SPTB: variants seen among roughly 807,000 people sequenced by gnomAD.
SPTB encodes spectrin beta, erythrocytic.
A neutral mutation model predicts 256.2 loss-of-function variants in SPTB; 45 were observed. That is an observed-to-expected ratio of 0.18 (90% CI 0.14 to 0.23). The LOEUF (loss-of-function observed/expected upper bound fraction) is 0.23, where lower values mean the gene tolerates loss of function less well. Among genes scored for constraint, SPTB ranks in the 10% least tolerant of loss-of-function variants. SPTB has a pLI of 1.00. For synonymous variants in SPTB, 1,231 were observed against 1,243.1 expected, an observed-to-expected ratio of 0.99 and a Z score of 0.21; for missense variants, 2,715 against 3,040.4, an observed-to-expected ratio of 0.89 and a Z score of 2.52.
chr14:64,804,492 T>C (rs1406139895), intron 3 of SPTB, among the ~76,000 whole-genome samples: 1 of 152,208 alleles, frequency 6.6e-6, no homozygotes, highest in Non-Finnish European at 1.5e-5. Flanking sequence ...ATCTACTTCT[T>C]CTTTGGGGTC....
At position 64,750,107 on chromosome 14, in the gene SPTB, A is replaced by G; in HGVS notation, c.6650T>C (p.Phe2217Ser). ...YCVLRNSELT[F>S]YKDAKNLALG... ...GGCCAGGTTCTTGGCATCCTTGTAG[A>G]AGGTTAGCTCACTGTTCCTGAGCAC... Residue 2217 changes from phenylalanine (F) to serine (S), a missense_variant, in exon 34 of 36, where the codon TTC becomes TCC. This residue lies in a region of SPTB where 2,239 missense variants were observed against 2,384.4 expected (regional missense o/e 0.94). Transcript: ENST00000644917. The G allele has an allele frequency of 6.2e-7, 1 of 1,614,182 alleles. No individual in the cohort carries two copies. The highest frequency in any genetic ancestry group is 1.1e-5 in the South Asian group (1 of 91,086).
In SPTB at chr14:64,746,892, GA is replaced by G. The variant is rs374341385; in HGVS notation, c.*2413del. ...AAGACTGTAGAGTAGAATAAGGAGA[GA>G]AAAAAAAAAAAAGACCTTGCTAGGG... On this transcript the variant is annotated 3_prime_UTR_variant, in exon 36 of 36. Transcript: ENST00000644917. This position sits in a 1 kb window ranked among gnomAD's most constrained non-coding sequence, Gnocchi z 4.9. 2.3e-3 allele frequency: 332 copies of G among 141,634 alleles called. No individual in the cohort carries two copies. The highest frequency in any genetic ancestry group is 3.6e-3 in the Middle Eastern group (1 of 276). 8.8% of individuals were successfully genotyped at this position (141,634 alleles called of 1,614,324 possible).
intron 12 of SPTB, 27 bp from the exon 13 acceptor site, chr14:64,794,644 A>G: frequency 6.2e-7 from 1 of 1,611,424 alleles, no homozygotes; most frequent in East Asian, 2.2e-5. Context: ...CAGAAAGGAA[A>G]TGAGGAGAAG....
At chr14:64,766,925 C>T (rs1327858399) in intron 31 of SPTB, 124 bp from the exon 32 acceptor site, 14 of 1,263,454 alleles carry the variant, frequency 1.1e-5, no homozygotes, top group Admixed American at 3.4e-5. Context: ...TCCAGTCAGC[C>T]GGCAGCCTGG....
chr14:64,812,643 C>T (rs1359914292), intron 2 of SPTB, among the ~76,000 whole-genome samples: 1 of 152,078 alleles, frequency 6.6e-6, no homozygotes, highest in Non-Finnish European at 1.5e-5. Flanking sequence ...TCTCGGTGAG[C>T]AGCACACCAG....
chr14:64,807,748 G>A lies in SPTB; in HGVS notation c.149-2658C>T, dbSNP rs2083011885. The stretch of plus-strand genomic sequence containing the variant: ...CATCCCAAGCCTTCCAAGGGCAGGA[G>A]AGGCGGTGGCCTGGAGCCAGCTAGG... On this transcript the variant is annotated intron_variant, in intron 2 of 35. Coordinates refer to ENST00000644917, the MANE Select transcript of SPTB (RefSeq NM_001355436.2). This position sits in a 1 kb window ranked among gnomAD's most constrained non-coding sequence, Gnocchi z 4.7. Among the ~76,000 whole-genome samples the A allele has an allele frequency of 6.6e-6, 1 of 152,246 alleles. No homozygotes were observed. Among genetic ancestry groups the A allele is most frequent in the Admixed American group, 6.5e-5 (1 of 15,290 alleles).
chr14:64,769,505 C>G lies in SPTB; in HGVS notation c.5937+85G>C, dbSNP rs2082245570. The stretch of plus-strand genomic sequence containing the variant: ...CAAGCTCCTCAGAAAAGCTGCAGCT[C>G]TCATCTCCCTCCCAGGAGGCTGCCT... On this transcript the variant is annotated intron_variant, in intron 28 of 35. Transcript: ENST00000644917. 9 of 1,561,868 alleles carry G rather than the reference C, an allele frequency of 5.8e-6. No homozygotes were observed. The African/African-American group carries it at 8.1e-5, about 14-fold the overall frequency.
At chr14:64,752,669 G>A (rs1387151377) in intron 33 of SPTB, among the ~76,000 whole-genome samples, 2 of 152,166 alleles carry the variant, frequency 1.3e-5, no homozygotes, top group Non-Finnish European at 2.9e-5. Context: ...TCCCCTTTCT[G>A]GGTAGACTCT....
chr14:64,767,919 C>G, intron 29 of SPTB, 60 bp from the exon 30 acceptor site: 1 of 1,585,436 alleles, frequency 6.3e-7, no homozygotes, highest in Non-Finnish European at 8.6e-7. Context: ...AGCACCCAAT[C>G]GTTCACTCCT....
chr14:64,826,266 G>A lies in SPTB; in HGVS notation c.-51-3121C>T, dbSNP rs983588804. 1.3e-5 allele frequency among the ~76,000 whole-genome samples: 2 copies of A among 152,226 alleles called. No individual in the cohort carries two copies. Among genetic ancestry groups the A allele is most frequent in the African/African-American group, 4.8e-5 (2 of 41,466 alleles). On this transcript the variant is annotated intron_variant, in intron 1 of 35. Coordinates refer to ENST00000644917, the MANE Select transcript of SPTB (RefSeq NM_001355436.2). This position sits in a 1 kb window ranked among gnomAD's most constrained non-coding sequence, Gnocchi z 4.4. The stretch of plus-strand genomic sequence containing the variant: ...TAACAAAAAGCAAACACGAAGATAT[G>A]CCTGTCCAAAACCAGATTTAACCCA...
At position 64,865,908 on chromosome 14, in the gene SPTB, G is replaced by A. The variant is rs74860493; in HGVS notation, c.-52+13884C>T. Among the ~76,000 whole-genome samples, 1,142 of 152,250 alleles carry A rather than the reference G, an allele frequency of 7.5e-3. 17 individuals are homozygous for A. The highest frequency in any genetic ancestry group is 0.026 in the African/African-American group (1,081 of 41,548). ...AAAGAACCCTCCTGCGTCAAGTTTA[G>A]GTTGAACATTTGGGCATCAAGATTT... On this transcript the variant is annotated intron_variant, in intron 1 of 35. Coordinates refer to ENST00000644917, the MANE Select transcript of SPTB (RefSeq NM_001355436.2).
rs184133716 is a variant in SPTB at position 64,852,662 on chromosome 14, G to C, written c.-52+27130C>G. Among the ~76,000 whole-genome samples, 3 of 152,294 alleles carry C rather than the reference G, an allele frequency of 2.0e-5. No homozygotes were observed. Among genetic ancestry groups the C allele is most frequent in the Non-Finnish European group, 2.9e-5 (2 of 68,024 alleles). ...AGGTGAGTGGAAATAGCAAGTGAGA[G>C]AAAGGGAAGAGCCAAGAATGATTTC... On this transcript the variant is annotated intron_variant, in intron 1 of 35. Transcript: ENST00000644917. This position sits in a 1 kb window ranked among gnomAD's most constrained non-coding sequence, Gnocchi z 4.2.
chr14:64,876,083 G>A (rs1882809763), intron 1 of SPTB, among the ~76,000 whole-genome samples: 1 of 151,882 alleles, frequency 6.6e-6, no homozygotes, highest in South Asian at 2.1e-4. Flanking sequence ...TCCTCCCTTA[G>A]CCTCCGAAGT....
At chr14:64,765,536 T>C (rs2082156946) in intron 32 of SPTB, among the ~76,000 whole-genome samples, 1 of 152,138 alleles carries the variant, frequency 6.6e-6, no homozygotes, top group Non-Finnish European at 1.5e-5. Context: ...CTCTGGCTCA[T>C]CCTCCTTTCC....
Position 64,779,088 on chromosome 14 carries a change from C to T in SPTB, c.4563+69G>A. ...TAGCCTTCTGCAGGTCAGGGCTGGG[C>T]CTACCCCCGTGGGGCCAGGTGGGGG... On this transcript the variant is annotated intron_variant, in intron 22 of 35. Transcript: ENST00000644917. This position sits in a 1 kb window ranked among gnomAD's most constrained non-coding sequence, Gnocchi z 4.2. 7.6e-7 allele frequency: 1 copy of T among 1,323,106 alleles called. No individual in the cohort carries two copies. Among genetic ancestry groups the T allele is most frequent in the Non-Finnish European group, 1.1e-6 (1 of 933,848 alleles). 82.0% of individuals were successfully genotyped at this position (1,323,106 alleles called of 1,614,324 possible). A position where few individuals can be genotyped will look rare whatever the true frequency, so the allele number is the denominator to read the frequency against.
rs2082540046 is a variant in SPTB at position 64,785,023 on chromosome 14, T to C, written c.3855+514A>G. ...GCAGGTTTGTTTAAAATGTTCTTTC[T>C]CTGTCTCACCCCGTAAAGTTCTGAT... On this transcript the variant is annotated intron_variant, in intron 18 of 35. Coordinates refer to ENST00000644917, the MANE Select transcript of SPTB (RefSeq NM_001355436.2). The surrounding 1 kb of genome is among the most constrained non-coding windows in gnomAD (Gnocchi z 4.4). 6.6e-6 allele frequency among the ~76,000 whole-genome samples: 1 copy of C among 152,206 alleles called. No homozygotes were observed.
rs1407114956 is a variant in SPTB, at chr14:64,760,251, G to C, written c.6346-6458C>G. On this transcript the variant is annotated intron_variant, in intron 32 of 35. Transcript: ENST00000644917. This position sits in a 1 kb window ranked among gnomAD's most constrained non-coding sequence, Gnocchi z 4.3. ...AACTGGCTTGGGTGGGGGAGGCAGG[G>C]GTTGGGGTCTTCACAGAGGATGTGC... Among the ~76,000 whole-genome samples, 1 of 152,088 alleles carries C rather than the reference G, an allele frequency of 6.6e-6. No individual in the cohort carries two copies. The highest frequency in any genetic ancestry group is 1.5e-5 in the Non-Finnish European group (1 of 68,018).
Position 64,772,757 on chromosome 14 carries a change from C to T in SPTB, c.5376G>A (p.Leu1792=). 6.2e-7 allele frequency: 1 copy of T among 1,613,988 alleles called. No individual in the cohort carries two copies. Among genetic ancestry groups the T allele is most frequent in the Non-Finnish European group, 8.5e-7 (1 of 1,180,036 alleles). Residue 1792 remains leucine, a synonymous_variant, in exon 26 of 36, where the codon CTG becomes CTA. Transcript: ENST00000644917. This position sits in a 1 kb window ranked among gnomAD's most constrained non-coding sequence, Gnocchi z 5.4. ...LLELIDTRMQ[L]LAASYDLHRY... is the part of the protein sequence containing the mutation. ...GGTGCAGGTCATAGGAGGCGGCCAG[C>T]AGCTGCATGCGCGTGTCAATGAGCT...
chr14:64,796,629 C>G lies in SPTB; in HGVS notation c.1269G>C (p.Leu423=), dbSNP rs229586. 2.5e-6 allele frequency: 4 copies of G among 1,614,068 alleles called. No homozygotes were observed. The highest frequency in any genetic ancestry group is 2.5e-6 in the Non-Finnish European group (3 of 1,180,016). Residue 423 remains leucine, a synonymous_variant, in exon 11 of 36, where the codon CTG becomes CTC. Transcript: ENST00000644917. This position sits in a 1 kb window ranked among gnomAD's most constrained non-coding sequence, Gnocchi z 4.1. ...CGGCCTTCCGGTCAAAGCGCCGGGC[C>G]AGTTGCTCTAGCTTCTCCTGCCGAA... The part of the protein sequence containing the change: ...ELIRQEKLEQ[L]ARRFDRKAAM...
Sources: allele counts gnomAD v4.1 joint callset (sites outside exome capture counted in the v4.1 genomes callset), GRCh38; gene constraint gnomAD v4.1.1; regional missense constraint gnomAD v4.1.1; non-coding constraint Gnocchi (gnomAD v3.1); transcripts MANE v1.5; gene names NCBI Gene and HGNC (gene_info 2026-07-23, HGNC 2026-07-21).